HMCN1: variants seen among roughly 807,000 people sequenced by gnomAD.
HMCN1 encodes the protein hemicentin 1, also known as hemicentin-1.
A neutral mutation model predicts 625.9 loss-of-function variants in HMCN1; 321 were observed. That is an observed-to-expected ratio of 0.51 (90% CI 0.47 to 0.56). The LOEUF is 0.56. Among genes scored for constraint, HMCN1 ranks in the 20% least tolerant of loss-of-function variants. The pLI is 0.00. For synonymous variants in HMCN1, 2,425 were observed against 2,417.6 expected, an observed-to-expected ratio of 1.00 and a Z score of -0.09; for missense variants, 6,588 against 6,887.3, an observed-to-expected ratio of 0.96 and a Z score of 1.54.
At chr1:186,037,114 T>C (rs1655882716) in intron 36 of HMCN1, among the ~76,000 whole-genome samples, 1 of 152,110 alleles carries the variant, frequency 6.6e-6, no homozygotes, top group South Asian at 2.1e-4. Context: ...CGAGGGTCTG[T>C]AGTGCATTGA....
At chr1:186,146,785 T>TACC (rs1650343867) in intron 93 of HMCN1, among the ~76,000 whole-genome samples, 1 of 152,194 alleles carries the variant, frequency 6.6e-6, no homozygotes. Context: ...ATGCACTTTG[T>TACC]AGCTCAGCCT....
chr1:185,933,868 C>T, intron 11 of HMCN1, 44 bp downstream of exon 11: 2 of 1,588,696 alleles, frequency 1.3e-6, no homozygotes, highest in African/African-American at 1.3e-5. Context: ...TCTTTCTGTC[C>T]TCTATTTTTA....
At chr1:185,981,827 T>C (rs1651661010) in intron 17 of HMCN1, among the ~76,000 whole-genome samples, 1 of 152,180 alleles carries the variant, frequency 6.6e-6, no homozygotes, top group African/African-American at 2.4e-5. Context: ...ATTATTTGCT[T>C]GAGATATTAC....
chr1:185,829,110 G>A (rs1443614767), intron 1 of HMCN1, among the ~76,000 whole-genome samples: 1 of 152,078 alleles, frequency 6.6e-6, no homozygotes, highest in Non-Finnish European at 1.5e-5. Context: ...TGAAAATTTA[G>A]TCATAAAAGA....
At chr1:186,083,328 T>G (rs1571325547) in intron 57 of HMCN1, among the ~76,000 whole-genome samples, 1 of 152,064 alleles carries the variant, frequency 6.6e-6, no homozygotes, top group East Asian at 1.9e-4. Context: ...GTTTCTGTCC[T>G]TAAGTGCAGA....
chr1:185,945,295 A>G (rs908988787), intron 11 of HMCN1, among the ~76,000 whole-genome samples: 2 of 152,214 alleles, frequency 1.3e-5, no homozygotes, highest in African/African-American at 4.8e-5. Flanking sequence ...TGTAGTAGGA[A>G]TATATTTTTT....
chr1:185,971,569 T>A (rs1650836276), intron 15 of HMCN1, among the ~76,000 whole-genome samples: 3 of 152,216 alleles, frequency 2.0e-5, no homozygotes, highest in African/African-American at 7.2e-5. Flanking sequence ...TATGATGATA[T>A]TCATGCCAGA....
chr1:186,123,839 A>T (rs556315616), intron 81 of HMCN1, among the ~76,000 whole-genome samples: 1 of 152,242 alleles, frequency 6.6e-6, no homozygotes, highest in Admixed American at 6.5e-5. Flanking sequence ...CTATTTTCAG[A>T]GGTAATTATT....
At chr1:185,833,469 A>G (rs1241627737) in intron 1 of HMCN1, among the ~76,000 whole-genome samples, 2 of 152,214 alleles carry the variant, frequency 1.3e-5, no homozygotes, top group Non-Finnish European at 2.9e-5. Context: ...AAATTATAAA[A>G]AAGTGTCAGA....
chr1:186,174,757 G>A (rs1652456712), intron 103 of HMCN1, 115 bp downstream of exon 103: 1 of 934,640 alleles, frequency 1.1e-6, no homozygotes, highest in Admixed American at 1.9e-5. Context: ...ACAATAATAA[G>A]GTATGTGAAT....
intron 41 of HMCN1, among the ~76,000 whole-genome samples, chr1:186,048,391 T>C (rs1357840660): frequency 2.0e-5 from 3 of 152,164 alleles, no homozygotes; most frequent in Non-Finnish European, 4.4e-5. Context: ...GCTGTTATTT[T>C]ACTGGACAGT....
intron 81 of HMCN1, 123 bp downstream of exon 81, chr1:186,123,343 G>A (rs1448610439): frequency 3.4e-6 from 4 of 1,163,810 alleles, no homozygotes; most frequent in Non-Finnish European, 5.0e-6. Context: ...AGTGTGTGTG[G>A]GGGTGTGGTG....
chr1:186,088,263 C>T lies in HMCN1; in HGVS notation c.9564C>T (p.Asn3188=), dbSNP rs765030856. ...CTCCCACGATAGCATGGTTAAAGAA[C>T]CACAAGCGCATAGGTAAGGCAACCA... is the stretch of plus-strand genomic sequence containing the variant. ...IPPPTIAWLK[N]HKRIENSDSL... Residue 3188 remains asparagine, a synonymous_variant, in exon 62 of 107, where the codon AAC becomes AAT. Transcript: ENST00000271588. 8.7e-6 allele frequency: 14 copies of T among 1,612,606 alleles called. No individual in the cohort carries two copies. Among genetic ancestry groups the T allele is most frequent in the Middle Eastern group, 1.6e-4 (1 of 6,074 alleles).
At chr1:185,820,021 A>C (rs1660087846) in intron 1 of HMCN1, among the ~76,000 whole-genome samples, 2 of 152,200 alleles carry the variant, frequency 1.3e-5, no homozygotes, top group South Asian at 4.1e-4. Flanking sequence ...GGAAAAAAGC[A>C]CAATGAAGTA....
At chr1:186,063,056 G>A (rs1232361308) in intron 48 of HMCN1, among the ~76,000 whole-genome samples, 48 of 101,092 alleles carry the variant, frequency 4.7e-4, no homozygotes, top group African/African-American at 2.1e-3. Flanking sequence ...GTGTGTGTGT[G>A]TGTGTGTGTG....
intron 86 of HMCN1, among the ~76,000 whole-genome samples, chr1:186,133,639 A>T (rs1030329893): frequency 9.9e-5 from 15 of 152,186 alleles, no homozygotes; most frequent in Middle Eastern, 3.2e-3. Context: ...CTATTGAGAG[A>T]TGCTCTAGAT....
chr1:186,121,135 G>A (rs776043964), intron 80 of HMCN1, among the ~76,000 whole-genome samples: 4 of 152,184 alleles, frequency 2.6e-5, no homozygotes, highest in Non-Finnish European at 5.9e-5. Flanking sequence ...GAAAGAGTGA[G>A]AAAAGAAAGT....
chr1:185,862,264 C>A (rs1452480789), intron 2 of HMCN1, among the ~76,000 whole-genome samples: 1 of 151,960 alleles, frequency 6.6e-6, no homozygotes, highest in Non-Finnish European at 1.5e-5. Context: ...CTCTTTACTG[C>A]AGGCAAAATA....
At chr1:186,123,649 A>T (rs567109244) in intron 81 of HMCN1, among the ~76,000 whole-genome samples, 43 of 152,330 alleles carry the variant, frequency 2.8e-4, no homozygotes, top group African/African-American at 1.0e-3. Context: ...ATTATATTAA[A>T]GTGGCAAAAT....
Sources: gnomAD v4.1 joint callset for allele counts (sites outside exome capture counted in the v4.1 genomes callset) on GRCh38, gnomAD v4.1.1 for gene constraint, MANE v1.5 for transcripts, NCBI Gene and HGNC (gene_info 2026-07-23, HGNC 2026-07-21) for gene names.